SEZ6L: variants seen among roughly 807,000 people sequenced by gnomAD.
The protein encoded by SEZ6L is seizure related 6 homolog like, also known as seizure 6-like protein.
SEZ6L carries 37 observed loss-of-function variants against 106.2 expected under a neutral mutation model. The observed-to-expected ratio is 0.35, with a 90% confidence interval of 0.27 to 0.46. SEZ6L has a LOEUF of 0.46. SEZ6L is among the 20% of genes least tolerant of loss of function. The probability of loss-of-function intolerance (pLI) is 1.00; values close to 1 mark genes in which losing one functional copy is unlikely to be tolerated. For synonymous variants in SEZ6L, 541 were observed against 570.4 expected (o/e 0.95, Z 0.73); for missense variants, 1,172 against 1,332.8 (o/e 0.88, Z 1.88).
chr22:26,207,047 T>C (rs900287150), intron 1 of SEZ6L, among the ~76,000 whole-genome samples: 3 of 152,228 alleles, frequency 2.0e-5, no homozygotes, highest in African/African-American at 7.2e-5. Flanking sequence ...GCAAAAAGCA[T>C]AAATTCAATA....
At chr22:26,170,638 A>C (rs1938525593) in intron 1 of SEZ6L, among the ~76,000 whole-genome samples, 1 of 152,030 alleles carries the variant, frequency 6.6e-6, no homozygotes, top group Non-Finnish European at 1.5e-5. Flanking sequence ...GGTGGGGGAG[A>C]GGGCCAGATA....
intron 5 of SEZ6L, among the ~76,000 whole-genome samples, chr22:26,302,428 C>T (rs2081485407): frequency 6.6e-6 from 1 of 152,178 alleles, no homozygotes; most frequent in South Asian, 2.1e-4. Context: ...CTCAAAAGTC[C>T]TGATGGTGGT....
chr22:26,373,407 G>A (rs1220235563), intron 13 of SEZ6L, 44 bp from the exon 14 acceptor site: 2 of 1,569,474 alleles, frequency 1.3e-6, no homozygotes, highest in African/African-American at 2.8e-5. Context: ...CAAACGAAGT[G>A]AATTCACTTT....
At chr22:26,354,876 G>A (rs562457073) in intron 12 of SEZ6L, among the ~76,000 whole-genome samples, 5 of 152,154 alleles carry the variant, frequency 3.3e-5, no homozygotes, top group African/African-American at 4.8e-5. Flanking sequence ...CACGAGCCAC[G>A]CGGGGTGTCA....
At chr22:26,291,372 T>C (rs899687904) in intron 1 of SEZ6L, among the ~76,000 whole-genome samples, 4 of 151,984 alleles carry the variant, frequency 2.6e-5, no homozygotes, top group African/African-American at 9.7e-5. Context: ...TTCTCACTTA[T>C]AAGTGGGAGT....
At chr22:26,202,291 G>C (rs1941012183) in intron 1 of SEZ6L, among the ~76,000 whole-genome samples, 1 of 152,124 alleles carries the variant, frequency 6.6e-6, no homozygotes, top group Non-Finnish European at 1.5e-5. Context: ...TTAAATCTCT[G>C]AATCGTGTAA....
At chr22:26,344,633 G>A (rs2082949926) in intron 10 of SEZ6L, among the ~76,000 whole-genome samples, 1 of 152,170 alleles carries the variant, frequency 6.6e-6, no homozygotes, top group Non-Finnish European at 1.5e-5. Context: ...TTGAACCTTG[G>A]TGCTAATCTT....
intron 5 of SEZ6L, among the ~76,000 whole-genome samples, chr22:26,303,115 G>A (rs970103507): frequency 1.3e-5 from 2 of 152,194 alleles, no homozygotes; most frequent in Non-Finnish European, 2.9e-5. Context: ...CAGATGACTG[G>A]CAAGGTTTCA....
intron 9 of SEZ6L, among the ~76,000 whole-genome samples, chr22:26,332,733 C>G (rs1188381520): frequency 6.6e-6 from 1 of 152,212 alleles, no homozygotes; most frequent in Non-Finnish European, 1.5e-5. Context: ...CAAGCATGAA[C>G]CATCATGCCC....
chr22:26,271,423 ATTG>A (rs1160618086), intron 1 of SEZ6L, among the ~76,000 whole-genome samples: 1 of 152,186 alleles, frequency 6.6e-6, no homozygotes, highest in African/African-American at 2.4e-5. Flanking sequence ...TGGAGTTGAT[ATTG>A]TTTGGATATG....
intron 11 of SEZ6L, among the ~76,000 whole-genome samples, chr22:26,350,418 G>A (rs796315723): frequency 5.9e-5 from 9 of 151,586 alleles, no homozygotes; most frequent in African/African-American, 1.9e-4. Flanking sequence ...TGTAGGGACC[G>A]GATCTTGCTG....
At chr22:26,253,544 G>A (rs949197141) in intron 1 of SEZ6L, among the ~76,000 whole-genome samples, 4 of 152,158 alleles carry the variant, frequency 2.6e-5, no homozygotes, top group Non-Finnish European at 4.4e-5. Context: ...CCACAGTGCC[G>A]AGCTCATTGC....
intron 13 of SEZ6L, among the ~76,000 whole-genome samples, chr22:26,365,965 GA>G (rs556635004): frequency 6.6e-6 from 1 of 152,020 alleles, no homozygotes; most frequent in Non-Finnish European, 1.5e-5. Flanking sequence ...CACTAAAAAA[GA>G]AAAAAACATG....
At chr22:26,258,897 A>G (rs2079910469) in intron 1 of SEZ6L, among the ~76,000 whole-genome samples, 1 of 152,208 alleles carries the variant, frequency 6.6e-6, no homozygotes, top group Admixed American at 6.5e-5. Context: ...ATATGGTCCT[A>G]TTAGAATTTT....
intron 5 of SEZ6L, among the ~76,000 whole-genome samples, chr22:26,301,412 A>T (rs1371804949): frequency 6.6e-6 from 1 of 152,218 alleles, no homozygotes; most frequent in Non-Finnish European, 1.5e-5. Flanking sequence ...ACCCTGACCC[A>T]GTTCCTGCTC....
intron 9 of SEZ6L, among the ~76,000 whole-genome samples, chr22:26,330,930 C>G (rs2082460906): frequency 6.6e-6 from 1 of 152,150 alleles, no homozygotes; most frequent in Non-Finnish European, 1.5e-5. Context: ...TAAAATTGTC[C>G]TGTGAATGAG....
chr22:26,212,978 T>C (rs1039130364), intron 1 of SEZ6L, among the ~76,000 whole-genome samples: 1 of 151,972 alleles, frequency 6.6e-6, no homozygotes, highest in African/African-American at 2.4e-5. Context: ...GGGCTGAAGG[T>C]CCAGATGAAG....
chr22:26,322,914 ACT>A (rs2145947506), intron 9 of SEZ6L, among the ~76,000 whole-genome samples: 1 of 151,992 alleles, frequency 6.6e-6, no homozygotes, highest in East Asian at 1.9e-4. Context: ...CTCTCCTCTC[ACT>A]CTCTCTCATT....
At chr22:26,349,691 CA>C (rs1230811842) in intron 11 of SEZ6L, among the ~76,000 whole-genome samples, 10 of 152,138 alleles carry the variant, frequency 6.6e-5, no homozygotes, top group Non-Finnish European at 7.4e-5. Flanking sequence ...TTTGTAGAGA[CA>C]GGGGTCTTGC....
Sources: allele counts gnomAD v4.1 joint callset (sites outside exome capture counted in the v4.1 genomes callset), GRCh38; gene constraint gnomAD v4.1.1; transcripts MANE v1.5; gene names NCBI Gene and HGNC (gene_info 2026-07-23, HGNC 2026-07-21).